OSBPL11: variants seen among roughly 807,000 people sequenced by gnomAD.
OSBPL11 encodes the protein oxysterol binding protein like 11.
In OSBPL11, 33 loss-of-function variants were observed where a neutral mutation model predicts 84.4. The ratio of observed to expected loss-of-function variants is 0.39; its 90% CI spans 0.30 to 0.52. The LOEUF is 0.52. OSBPL11 is among the 20% of genes least tolerant of loss of function. The probability of loss-of-function intolerance (pLI) is 0.72; values close to 1 mark genes in which losing one functional copy is unlikely to be tolerated. For synonymous variants in OSBPL11, 276 were observed against 310.2 expected (o/e 0.89, Z 1.16); for missense variants, 736 against 901.1 (o/e 0.82, Z 2.35).
intron 5 of OSBPL11, among the ~76,000 whole-genome samples, chr3:125,572,047 C>T (rs773704183): frequency 5.9e-5 from 9 of 152,256 alleles, no homozygotes; most frequent in East Asian, 1.9e-4. Context: ...TGCAAAGCCA[C>T]GGGGCGGAGC....
chr3:125,585,760 C>T (rs1432083560), intron 1 of OSBPL11, among the ~76,000 whole-genome samples: 2 of 152,192 alleles, frequency 1.3e-5, no homozygotes, highest in African/African-American at 4.8e-5. Flanking sequence ...TTCCATGTAT[C>T]CCAAGAAATA....
At chr3:125,566,710 A>G (rs1218023197) in intron 6 of OSBPL11, among the ~76,000 whole-genome samples, 3 of 152,122 alleles carry the variant, frequency 2.0e-5, no homozygotes, top group African/African-American at 2.4e-5. Flanking sequence ...GTCCCGTGCA[A>G]TAACATTTCC....
At chr3:125,532,439 A>G (rs1281843113) in intron 11 of OSBPL11, among the ~76,000 whole-genome samples, 1 of 152,162 alleles carries the variant, frequency 6.6e-6, no homozygotes, top group Non-Finnish European at 1.5e-5. Context: ...TGGTTTTCAG[A>G]TACTGAGCAA....
At chr3:125,559,274 G>C (rs181785162) in intron 8 of OSBPL11, among the ~76,000 whole-genome samples, 3 of 152,288 alleles carry the variant, frequency 2.0e-5, no homozygotes, top group Admixed American at 2.0e-4. Flanking sequence ...GTAGGATTAC[G>C]TAATTTTCTC....
intron 3 of OSBPL11, among the ~76,000 whole-genome samples, chr3:125,579,405 T>C (rs1281019095): frequency 3.3e-5 from 5 of 152,230 alleles, no homozygotes; most frequent in African/African-American, 1.2e-4. Flanking sequence ...CCATTATACT[T>C]TGTGTATTCA....
chr3:125,549,072 AGTGCAATG>A lies in OSBPL11; in HGVS notation c.1655-1488_1655-1481del, dbSNP rs1935861824. On this transcript the variant is annotated intron_variant, in intron 9 of 12. Coordinates refer to ENST00000296220, the MANE Select transcript of OSBPL11 (RefSeq NM_022776.5). ...GTTTCACTCTTGATGCCCAGGCTGG[AGTGCAATG>A]GCACGACCTCAGCTCAATGTAACTT... 3.3e-5 allele frequency among the ~76,000 whole-genome samples: 5 copies of A among 151,906 alleles called. No homozygotes were observed. The South Asian group carries it at 1.0e-3, about 32-fold the overall frequency.
chr3:125,570,931 A>G (rs533631363), intron 5 of OSBPL11, among the ~76,000 whole-genome samples: 25 of 152,334 alleles, frequency 1.6e-4, no homozygotes, highest in African/African-American at 5.3e-4. Flanking sequence ...AAAAATGTGG[A>G]AGTGACTTTG....
At chr3:125,554,418 A>G (rs546671799) in intron 8 of OSBPL11, among the ~76,000 whole-genome samples, 1 of 152,310 alleles carries the variant, frequency 6.6e-6, no homozygotes, top group East Asian at 1.9e-4. Context: ...AGAAAAACCT[A>G]ATGATACTGA....
chr3:125,587,316 C>T (rs947161481), intron 1 of OSBPL11, among the ~76,000 whole-genome samples: 4 of 152,120 alleles, frequency 2.6e-5, no homozygotes, highest in African/African-American at 4.8e-5. Context: ...AGATAGGGAT[C>T]GCAGAGAAAT....
chr3:125,582,652 T>C (rs1936446945), intron 2 of OSBPL11, among the ~76,000 whole-genome samples: 1 of 152,182 alleles, frequency 6.6e-6, no homozygotes, highest in South Asian at 2.1e-4. Context: ...AAGTATACAA[T>C]GCCCAAGCCA....
intron 5 of OSBPL11, among the ~76,000 whole-genome samples, chr3:125,573,743 A>G (rs1936275909): frequency 6.6e-6 from 1 of 151,952 alleles, no homozygotes; most frequent in Non-Finnish European, 1.5e-5. Context: ...TGCCTGCAGC[A>G]TGCCTGTAAT....
At chr3:125,538,685 G>T (rs1305715017) in intron 10 of OSBPL11, 52 bp from the exon 11 acceptor site, 6 of 1,492,956 alleles carry the variant, frequency 4.0e-6, no homozygotes, top group Non-Finnish European at 4.5e-6. Context: ...TATCATGTTT[G>T]TTTCTTAGAT....
intron 11 of OSBPL11, among the ~76,000 whole-genome samples, chr3:125,536,341 G>A (rs1935639764): frequency 6.6e-6 from 1 of 152,072 alleles, no homozygotes; most frequent in Non-Finnish European, 1.5e-5. Flanking sequence ...GGTCTAATGT[G>A]CATCCTGAAT....
intron 5 of OSBPL11, among the ~76,000 whole-genome samples, chr3:125,572,849 A>ATATATATT (rs975926432): frequency 1.4e-5 from 2 of 146,288 alleles, no homozygotes; most frequent in African/African-American, 2.5e-5. Flanking sequence ...TATTTTATTT[A>ATATATATT]TATATATTTA....
At chr3:125,578,617 A>G (rs1208143248) in intron 4 of OSBPL11, among the ~76,000 whole-genome samples, 2 of 152,132 alleles carry the variant, frequency 1.3e-5, no homozygotes, top group African/African-American at 4.8e-5. Context: ...CTAAAAGTAC[A>G]AAAATAAGCT....
At chr3:125,584,165 G>A (rs1936471489) in intron 1 of OSBPL11, among the ~76,000 whole-genome samples, 1 of 152,190 alleles carries the variant, frequency 6.6e-6, no homozygotes, top group South Asian at 2.1e-4. Context: ...AGGAGTTCGA[G>A]ACCAGCCTGG....
rs1559831689 is a variant in OSBPL11, at chr3:125,528,908, A to G, written c.*1607T>C. On this transcript the variant is annotated 3_prime_UTR_variant, in exon 13 of 13. Transcript: ENST00000296220. Reference sequence around the variant, plus strand: ...TGTCAATTTTCCCAACACAGGAACTATAACTCATTTTGAGGATTTTTTTCA... The same window carrying G: ...TGTCAATTTTCCCAACACAGGAACTGTAACTCATTTTGAGGATTTTTTTCA... 1 of 152,676 alleles carries G rather than the reference A, an allele frequency of 6.5e-6. No homozygotes were observed. Among genetic ancestry groups the G allele is most frequent in the Non-Finnish European group, 1.5e-5 (1 of 68,038 alleles). The allele number at this position is 152,676 out of a possible 1,614,324, so 9.5% of individuals were successfully genotyped here. A position where few individuals can be genotyped will look rare whatever the true frequency, so the allele number is the denominator to read the frequency against.
intron 5 of OSBPL11, among the ~76,000 whole-genome samples, chr3:125,570,965 G>A (rs1258367586): frequency 6.6e-6 from 1 of 152,220 alleles, no homozygotes; most frequent in Non-Finnish European, 1.5e-5. Context: ...GGCAGAGGTT[G>A]GAACAGTTTG....
chr3:125,553,484 A>AT (rs35329622), intron 8 of OSBPL11, among the ~76,000 whole-genome samples: 10,338 of 152,312 alleles, frequency 0.068, 473 homozygotes, highest in Non-Finnish European at 0.098. Context: ...TGTAAGAAAG[A>AT]TAAATATTTT....
Sources: gnomAD v4.1 joint callset for allele counts (sites outside exome capture counted in the v4.1 genomes callset) on GRCh38, gnomAD v4.1.1 for gene constraint, MANE v1.5 for transcripts, NCBI Gene and HGNC (gene_info 2026-07-23, HGNC 2026-07-21) for gene names.